SLC2A11: variants seen among roughly 807,000 people sequenced by gnomAD.
SLC2A11 encodes the protein solute carrier family 2 member 11.
A neutral mutation model predicts 52.1 loss-of-function variants in SLC2A11; 43 were observed. That is an observed-to-expected ratio of 0.82 (90% CI 0.65 to 1.06). The LOEUF (loss-of-function observed/expected upper bound fraction) is 1.06, where lower values mean the gene tolerates loss of function less well. Ranked by LOEUF, SLC2A11 falls within the 50% of genes least tolerant of loss-of-function variation. SLC2A11 has a pLI of 0.00. For missense variants in SLC2A11, 582 were observed against 654.2 expected, an observed-to-expected ratio of 0.89 and a Z score of 1.20; for synonymous variants, 261 against 277.6, an observed-to-expected ratio of 0.94 and a Z score of 0.59.
intron 1 of SLC2A11, among the ~76,000 whole-genome samples, chr22:23,858,707 AAAAAT>A (rs200311772): frequency 7.2e-5 from 11 of 152,210 alleles, no homozygotes; most frequent in South Asian, 4.1e-4. Flanking sequence ...TCTAAAAAAT[AAAAAT>A]AAAATAAAAT....
At chr22:23,867,612 A>G (rs2032313237) in intron 2 of SLC2A11, 2 of 464,024 alleles carry the variant, frequency 4.3e-6, no homozygotes, top group Non-Finnish European at 4.5e-6. Context: ...TTGCCTCAGG[A>G]TGGAGCTGGT....
At chr22:23,868,772 A>G in intron 3 of SLC2A11, 131 bp downstream of exon 3, 1 of 1,094,040 alleles carries the variant, frequency 9.1e-7, no homozygotes, top group Non-Finnish European at 1.3e-6. Flanking sequence ...CCAGCCTCTT[A>G]CTCTGCCTGG....
At position 23,884,866 on chromosome 22, in the gene SLC2A11, A is replaced by G. The variant is rs60113317; in HGVS notation, c.*17A>G. On this transcript the variant is annotated 3_prime_UTR_variant, in exon 12 of 12. Coordinates refer to ENST00000316185, the MANE Select transcript of SLC2A11 (RefSeq NM_001024939.4). This position sits in a 1 kb window ranked among gnomAD's most constrained non-coding sequence, Gnocchi z 4.3. ...GAACTCTAGTCCCAAAGGGGTGGCC[A>G]GAGCCAAAGCCAGCTACTGTCCTGT... 7.0e-3 allele frequency: 11,361 copies of G among 1,612,020 alleles called. 383 individuals are homozygous for G. The African/African-American group carries it at 0.082, about 12-fold the overall frequency.
chr22:23,865,251 T>G (rs2032220404), intron 2 of SLC2A11: 1 of 151,968 alleles, frequency 6.6e-6, no homozygotes, highest in African/African-American at 2.4e-5. Context: ...ACCCCGTCTC[T>G]ACTAAAAATA....
chr22:23,868,362 G>A, intron 2 of SLC2A11, 119 bp from the exon 3 acceptor site: 1 of 1,256,092 alleles, frequency 8.0e-7, no homozygotes, highest in Non-Finnish European at 1.1e-6. Flanking sequence ...AGAAGACACG[G>A]TGCCTGTTGT....
chr22:23,875,803 A>G (rs970137085), intron 4 of SLC2A11, among the ~76,000 whole-genome samples: 2 of 152,236 alleles, frequency 1.3e-5, no homozygotes, highest in African/African-American at 4.8e-5. Context: ...TAACCCCAAA[A>G]TTAAGTGACT....
intron 2 of SLC2A11, chr22:23,865,215 A>C (rs377754423): frequency 5.3e-5 from 8 of 152,148 alleles, no homozygotes; most frequent in African/African-American, 1.9e-4. Context: ...TCGGGAGTTC[A>C]AGACCAGCGT....
At chr22:23,863,244 C>T (rs972142910) in intron 2 of SLC2A11, among the ~76,000 whole-genome samples, 2 of 152,190 alleles carry the variant, frequency 1.3e-5, no homozygotes, top group Non-Finnish European at 2.9e-5. Flanking sequence ...CTTCTTGAAA[C>T]CTTTTTGCCT....
At chr22:23,874,838 A>C (rs547483611) in intron 3 of SLC2A11, among the ~76,000 whole-genome samples, 1 of 151,630 alleles carries the variant, frequency 6.6e-6, no homozygotes, top group Middle Eastern at 3.4e-3. Flanking sequence ...GCCCGCTTCA[A>C]CCTCCCAAAG....
In SLC2A11 at chr22:23,885,029, A is replaced by ATTCC. The variant is rs1298585255; in HGVS notation, c.*180_*181insTTCC. The ATTCC allele has an allele frequency of 1.5e-5, 9 of 589,380 alleles. No homozygotes were observed. The highest frequency in any genetic ancestry group is 3.1e-5 in the Admixed American group (1 of 31,750). 36.5% of individuals were successfully genotyped at this position (589,380 alleles called of 1,614,324 possible). A position where few individuals can be genotyped will look rare whatever the true frequency, so the allele number is the denominator to read the frequency against. ...ATGGTGAGCGTGGTATTCCAGGCTAAAGGTAATTAACTGACAGAAAATCAG... is the reference window on the plus strand; with the variant it reads ...ATGGTGAGCGTGGTATTCCAGGCTAATTCCAGGTAATTAACTGACAGAAAATCAG... On this transcript the variant is annotated 3_prime_UTR_variant, in exon 12 of 12. Transcript: ENST00000316185.
chr22:23,874,872 A>G (rs2146128364), intron 3 of SLC2A11, among the ~76,000 whole-genome samples: 1 of 152,368 alleles, frequency 6.6e-6, no homozygotes. Context: ...GGCATGAGCC[A>G]CCATGCCCAG....
intron 6 of SLC2A11, 74 bp from the exon 7 acceptor site, chr22:23,882,385 A>AG: frequency 7.6e-7 from 1 of 1,312,642 alleles, no homozygotes; most frequent in Non-Finnish European, 1.0e-6. Context: ...GGTGGGATGG[A>AG]GGGGGGCGTC....
chr22:23,878,584 G>A (rs1346753490), intron 6 of SLC2A11, among the ~76,000 whole-genome samples: 1 of 152,210 alleles, frequency 6.6e-6, no homozygotes, highest in Non-Finnish European at 1.5e-5. Context: ...GCCAAAGCGA[G>A]TCAGTCATAC....
intron 6 of SLC2A11, among the ~76,000 whole-genome samples, chr22:23,878,530 G>A (rs1406845901): frequency 6.6e-6 from 1 of 152,168 alleles, no homozygotes; most frequent in Non-Finnish European, 1.5e-5. Context: ...TTGCATAAGC[G>A]CTTTCCAAAC....
At chr22:23,867,438 T>C (rs751152429) in intron 2 of SLC2A11, 9 of 236,232 alleles carry the variant, frequency 3.8e-5, no homozygotes, top group Non-Finnish European at 7.8e-5. Context: ...CCTGAGGTGA[T>C]ACGCCCATCT....
At chr22:23,860,739 T>G (rs1261770931) in intron 1 of SLC2A11, among the ~76,000 whole-genome samples, 1 of 150,726 alleles carries the variant, frequency 6.6e-6, no homozygotes, top group Non-Finnish European at 1.5e-5. Context: ...TCTCTTTTTT[T>G]TTTTTGAGAC....
At chr22:23,863,791 C>A (rs1022401937) in intron 2 of SLC2A11, among the ~76,000 whole-genome samples, 1 of 151,960 alleles carries the variant, frequency 6.6e-6, no homozygotes, top group Non-Finnish European at 1.5e-5. Flanking sequence ...CAAAGCCCAG[C>A]TATTTTATTT....
chr22:23,884,867 G>T lies in SLC2A11; in HGVS notation c.*18G>T, dbSNP rs56772479. 11,350 of 1,611,422 alleles carry T rather than the reference G, an allele frequency of 7.0e-3. 381 individuals carry two copies. In the African/African-American group the frequency reaches 0.082, roughly 12 times the overall value. On this transcript the variant is annotated 3_prime_UTR_variant, in exon 12 of 12. Transcript: ENST00000316185. The surrounding 1 kb of genome is among the most constrained non-coding windows in gnomAD (Gnocchi z 4.3). ...AACTCTAGTCCCAAAGGGGTGGCCA[G>T]AGCCAAAGCCAGCTACTGTCCTGTC...
intron 1 of SLC2A11, among the ~76,000 whole-genome samples, chr22:23,860,889 A>G (rs1269473703): frequency 7.3e-6 from 1 of 137,910 alleles, no homozygotes; most frequent in Non-Finnish European, 1.5e-5. Flanking sequence ...TCTGTCGCCC[A>G]GGCTGGAGTG....
Sources: allele counts gnomAD v4.1 joint callset (sites outside exome capture counted in the v4.1 genomes callset), GRCh38; gene constraint gnomAD v4.1.1; non-coding constraint Gnocchi (gnomAD v3.1); transcripts MANE v1.5; gene names NCBI Gene and HGNC (gene_info 2026-07-23, HGNC 2026-07-21).